Variants in SLC49A4 observed in about 807,000 individuals in gnomAD.
The protein encoded by SLC49A4 is solute carrier family 49 member 4, also known as disrupted in renal cancer protein 2.
In SLC49A4, 36 loss-of-function variants were observed where a neutral mutation model predicts 50.6. That is an observed-to-expected ratio of 0.71 (90% CI 0.55 to 0.94). SLC49A4 has a LOEUF of 0.94. SLC49A4 is among the 40% of genes least tolerant of loss of function. The pLI, the probability that SLC49A4 is intolerant of heterozygous loss-of-function variation, is 0.00. For synonymous variants in SLC49A4, 248 were observed against 241.2 expected, an observed-to-expected ratio of 1.03 and a Z score of -0.26; for missense variants, 503 against 605.7, an observed-to-expected ratio of 0.83 and a Z score of 1.78.
At chr3:122,839,729 C>CA (rs1231100873) in intron 4 of SLC49A4, among the ~76,000 whole-genome samples, 1 of 151,944 alleles carries the variant, frequency 6.6e-6, no homozygotes, top group Non-Finnish European at 1.5e-5. Context: ...ATTAAAAAGT[C>CA]AAAAAACAAT....
rs186214188 is a variant in SLC49A4 at position 122,861,520 on chromosome 3, A to G, written c.1138+1318A>G. Among the ~76,000 whole-genome samples, 5 of 152,348 alleles carry G rather than the reference A, an allele frequency of 3.3e-5. No homozygotes were observed. In the East Asian group the frequency reaches 9.6e-4, roughly 29 times the overall value. ...ATAACAAGCATTTGTGTGAGTAGAA[A>G]TAAATAAGAGTCTGAAAGTGACTCC... On this transcript the variant is annotated intron_variant, in intron 7 of 8. Transcript: ENST00000261038.
chr3:122,844,481 T>TA (rs1936821216), intron 4 of SLC49A4, among the ~76,000 whole-genome samples: 1 of 152,058 alleles, frequency 6.6e-6, no homozygotes, highest in African/African-American at 2.4e-5. Context: ...CTTATAAAAA[T>TA]AAAAAATTTC....
rs770579589 is a variant in SLC49A4, at chr3:122,795,294, G to T, written c.102G>T (p.Ala34=). 4.2e-6 allele frequency: 6 copies of T among 1,431,718 alleles called. No homozygotes were observed. The South Asian group carries it at 5.8e-5, about 14-fold the overall frequency. 88.7% of individuals were successfully genotyped at this position (1,431,718 alleles called of 1,614,324 possible). A position where few individuals can be genotyped will look rare whatever the true frequency, so the allele number is the denominator to read the frequency against. ...CCTGGAGAAGCCGGGAGGCGGCGGCGGCGGCGCTGCCCGCGGCGGTCCCGG... is the reference window on the plus strand; with the variant it reads ...CCTGGAGAAGCCGGGAGGCGGCGGCTGCGGCGCTGCCCGCGGCGGTCCCGG... The part of the protein sequence containing the change: ...GASWRSREAA[A]AALPAAVPGP... Residue 34 remains alanine, a synonymous_variant, in exon 1 of 9, where the codon GCG becomes GCT. Transcript: ENST00000261038.
chr3:122,868,901 A>G (rs1413093682), intron 7 of SLC49A4, among the ~76,000 whole-genome samples: 2 of 152,184 alleles, frequency 1.3e-5, no homozygotes, highest in African/African-American at 4.8e-5. Flanking sequence ...TATCCTACAT[A>G]TAGTAGCCCA....
intron 1 of SLC49A4, among the ~76,000 whole-genome samples, chr3:122,805,223 T>C (rs1266094530): frequency 6.6e-6 from 1 of 152,212 alleles, no homozygotes; most frequent in Non-Finnish European, 1.5e-5. Context: ...AAGCAGTAAA[T>C]GAGCAGTATG....
intron 4 of SLC49A4, among the ~76,000 whole-genome samples, chr3:122,842,902 A>C (rs1936793056): frequency 6.6e-6 from 1 of 152,250 alleles, no homozygotes; most frequent in African/African-American, 2.4e-5. Context: ...GCCATGCCCC[A>C]TTCCCTTCCT....
intron 5 of SLC49A4, among the ~76,000 whole-genome samples, chr3:122,854,454 C>G (rs1245761306): frequency 6.6e-6 from 1 of 152,230 alleles, no homozygotes; most frequent in East Asian, 1.9e-4. Context: ...CCAGTTTGGA[C>G]AGCTCTTTTC....
At chr3:122,821,700 C>A (rs571850256) in intron 2 of SLC49A4, among the ~76,000 whole-genome samples, 1 of 152,310 alleles carries the variant, frequency 6.6e-6, no homozygotes, top group Non-Finnish European at 1.5e-5. Flanking sequence ...ACACTCCTAA[C>A]TTCTGCCCAC....
At chr3:122,820,969 G>T (rs1425140076) in intron 2 of SLC49A4, among the ~76,000 whole-genome samples, 1 of 152,258 alleles carries the variant, frequency 6.6e-6, no homozygotes, top group African/African-American at 2.4e-5. Flanking sequence ...CCACATGTGG[G>T]AGAGACCTGG....
At chr3:122,873,929 CT>C (rs564225386) in intron 8 of SLC49A4, among the ~76,000 whole-genome samples, 64 of 152,234 alleles carry the variant, frequency 4.2e-4, no homozygotes, top group Non-Finnish European at 7.5e-4. Context: ...GTGATCCCCC[CT>C]GGGATGGTAG....
At chr3:122,879,216 C>G in intron 8 of SLC49A4, 47 bp from the exon 9 acceptor site, 3 of 1,362,642 alleles carry the variant, frequency 2.2e-6, no homozygotes, top group Non-Finnish European at 2.1e-6. Context: ...TGGTGGTCTG[C>G]TGGTGATACA....
chr3:122,822,285 A>C (rs1316697217), intron 2 of SLC49A4, among the ~76,000 whole-genome samples: 1 of 152,214 alleles, frequency 6.6e-6, no homozygotes, highest in African/African-American at 2.4e-5. Context: ...AGCTTCTTTC[A>C]TAAGTGCTTA....
chr3:122,801,939 G>C (rs1236054237), intron 1 of SLC49A4, among the ~76,000 whole-genome samples: 1 of 152,120 alleles, frequency 6.6e-6, no homozygotes, highest in Non-Finnish European at 1.5e-5. Flanking sequence ...GGCTGTTCTG[G>C]CCATGATGGA....
At chr3:122,833,727 AT>A (rs1936638394) in intron 4 of SLC49A4, among the ~76,000 whole-genome samples, 1 of 152,078 alleles carries the variant, frequency 6.6e-6, no homozygotes, top group Non-Finnish European at 1.5e-5. Flanking sequence ...TTCTTAAATA[AT>A]TTTCTTTTTT....
Position 122,833,388 on chromosome 3 carries a change from A to G in SLC49A4, c.775A>G (p.Ser259Gly). ...CCCACCCCGACCTCCTCTTCCTCCC[A>G]GTGTTGCTGCAGCTAGCCAGCGGCT... ...YFPPRPPLPPSVAAASQRLSY... is the reference protein window; with the variant it reads ...YFPPRPPLPPGVAAASQRLSY... Residue 259 changes from serine to glycine, a missense_variant, in exon 4 of 9, where the codon AGT (serine) becomes GGT (glycine). Ser to Gly is a moderately conservative substitution (Grantham distance 56). Transcript: ENST00000261038. 6.2e-7 allele frequency: 1 copy of G among 1,613,244 alleles called. No individual in the cohort carries two copies. Among genetic ancestry groups the G allele is most frequent in the Non-Finnish European group, 8.5e-7 (1 of 1,179,478 alleles).
Position 122,795,297 on chromosome 3 carries a change from G to A in SLC49A4, c.105G>A (p.Ala35=). Residue 35 remains alanine (A), a synonymous_variant, in exon 1 of 9, where the codon GCG becomes GCA. Coordinates refer to ENST00000261038, the MANE Select transcript of SLC49A4 (RefSeq NM_032839.3). ...GGAGAAGCCGGGAGGCGGCGGCGGC[G>A]GCGCTGCCCGCGGCGGTCCCGGGTC... ...ASWRSREAAA[A]ALPAAVPGPG... is the part of the protein sequence containing the mutation. The A allele has an allele frequency of 1.4e-6, 2 of 1,436,898 alleles. No homozygotes were observed. Among genetic ancestry groups the A allele is most frequent in the Non-Finnish European group, 1.8e-6 (2 of 1,108,290 alleles). 89.0% of individuals were successfully genotyped at this position (1,436,898 alleles called of 1,614,324 possible).
chr3:122,857,500 C>T (rs150835868), intron 6 of SLC49A4, among the ~76,000 whole-genome samples: 2 of 152,164 alleles, frequency 1.3e-5, no homozygotes, highest in African/African-American at 4.8e-5. Context: ...CCACATATCA[C>T]CTCAATATCT....
chr3:122,824,787 C>T (rs1397278824), intron 2 of SLC49A4, among the ~76,000 whole-genome samples: 1 of 128,996 alleles, frequency 7.8e-6, no homozygotes, highest in Non-Finnish European at 1.5e-5. Context: ...GGCTGTAGTG[C>T]AGTGGCACAA....
At position 122,860,198 on chromosome 3, in the gene SLC49A4, C is replaced by T. The variant is rs770093385; in HGVS notation, c.1134C>T (p.Thr378=). Residue 378 remains threonine, a synonymous_variant, in exon 7 of 9, where the codon ACC becomes ACT. Transcript: ENST00000261038. The part of the protein sequence containing the change: ...CLNSITHLPL[T]TVTLYASCIL... ...ACAGCATCACACACCTACCTTTAAC[C>T]ACAGGTGAGCATAGGCTATTTTTGA... is the stretch of plus-strand genomic sequence containing the variant. 3.8e-6 allele frequency: 6 copies of T among 1,595,552 alleles called. No individual in the cohort carries two copies. The Middle Eastern group carries it at 5.0e-4, about 133-fold the overall frequency.
Sources: allele counts gnomAD v4.1 joint callset (sites outside exome capture counted in the v4.1 genomes callset), GRCh38; gene constraint gnomAD v4.1.1; transcripts MANE v1.5; gene names NCBI Gene and HGNC (gene_info 2026-07-23, HGNC 2026-07-21).